Variants in SYN3 observed in about 807,000 individuals in gnomAD.
SYN3 encodes the protein synapsin-3.
Under a neutral mutation model 65.8 loss-of-function variants are expected in SYN3, and 35 were observed. The observed-to-expected ratio is 0.53, with a 90% CI of 0.41 to 0.70. The LOEUF (loss-of-function observed/expected upper bound fraction) is 0.70, where lower values mean the gene tolerates loss of function less well. Ranked by LOEUF, SYN3 falls within the 30% of genes least tolerant of loss-of-function variation. The pLI is 0.00. For missense variants in SYN3, 680 were observed against 749.0 expected (o/e 0.91, Z 1.08); for synonymous variants, 270 against 292.9 (o/e 0.92, Z 0.80).
intron 10 of SYN3, among the ~76,000 whole-genome samples, chr22:32,531,905 CTT>C (rs5845007): frequency 5.2e-5 from 6 of 115,444 alleles, no homozygotes; most frequent in African/African-American, 3.5e-5. Flanking sequence ...ACTACTTTTA[CTT>C]TTTTTTTTTT....
In SYN3 at chr22:32,818,366, C is replaced by A. The variant is rs538671921; in HGVS notation, c.711+46549G>T. Among the ~76,000 whole-genome samples, 28 of 152,222 alleles carry A rather than the reference C, an allele frequency of 1.8e-4. 1 individual carries two copies. The South Asian group carries it at 5.8e-3, about 32-fold the overall frequency. On this transcript the variant is annotated intron_variant, in intron 6 of 13. Transcript: ENST00000358763. Reference sequence around the variant, plus strand: ...GGGGGAGTCTTAGTTAGCCCAGGGGCTGGGGGCAGCATGGTAGTGTAGAAA... The same window carrying A: ...GGGGGAGTCTTAGTTAGCCCAGGGGATGGGGGCAGCATGGTAGTGTAGAAA...
intron 6 of SYN3, among the ~76,000 whole-genome samples, chr22:32,685,848 A>T (rs1231183448): frequency 6.6e-6 from 1 of 152,242 alleles, no homozygotes; most frequent in African/African-American, 2.4e-5. Context: ...AATTTAAGAA[A>T]TGATGGTGGA....
At chr22:32,950,703 G>A (rs1601767689) in intron 3 of SYN3, among the ~76,000 whole-genome samples, 1 of 152,228 alleles carries the variant, frequency 6.6e-6, no homozygotes, top group East Asian at 1.9e-4. Context: ...TTCAAGGGAG[G>A]GTAAGAGGTT....
At chr22:32,536,760 A>T (rs1601589643) in intron 9 of SYN3, among the ~76,000 whole-genome samples, 1 of 152,346 alleles carries the variant, frequency 6.6e-6, no homozygotes, top group East Asian at 1.9e-4. Context: ...ATGAAATGAA[A>T]GAGCCTGCCT....
chr22:32,538,724 A>T (rs1441207471), intron 8 of SYN3, among the ~76,000 whole-genome samples: 1 of 87,072 alleles, frequency 1.1e-5, no homozygotes, highest in East Asian at 1.0e-3. Flanking sequence ...AGTCCTGCTC[A>T]TCCTTCAGGT....
chr22:32,930,653 C>G (rs560836882), intron 4 of SYN3, among the ~76,000 whole-genome samples: 75 of 152,270 alleles, frequency 4.9e-4, no homozygotes, highest in African/African-American at 1.8e-3. Context: ...TTCCTCAAAG[C>G]TTTTCCTGTT....
chr22:32,731,839 G>C (rs1313223507), intron 6 of SYN3, among the ~76,000 whole-genome samples: 1 of 152,158 alleles, frequency 6.6e-6, no homozygotes, highest in Non-Finnish European at 1.5e-5. Flanking sequence ...GTGATATTTA[G>C]AACTCAAGGC....
chr22:32,844,896 A>AT (rs2048017269), intron 6 of SYN3, among the ~76,000 whole-genome samples: 1 of 151,636 alleles, frequency 6.6e-6, no homozygotes, highest in Non-Finnish European at 1.5e-5. Flanking sequence ...AATTTTTATA[A>AT]TTTTTTATTT....
In SYN3 at chr22:32,711,376, A is replaced by C. The variant is rs188758176; in HGVS notation, c.712-114640T>G. Among the ~76,000 whole-genome samples the C allele has an allele frequency of 5.9e-5, 9 of 152,360 alleles. No individual in the cohort carries two copies. In the East Asian group the frequency reaches 1.7e-3, roughly 29 times the overall value. On this transcript the variant is annotated intron_variant, in intron 6 of 13. Transcript: ENST00000358763. ...ACAAGAAAATAATTCATCAGTTAGCAGTGAGAAATAGGTCTGAAAGGTCAT... is the reference window on the plus strand; with the variant it reads ...ACAAGAAAATAATTCATCAGTTAGCCGTGAGAAATAGGTCTGAAAGGTCAT...
At chr22:32,597,037 C>T (rs972084381) in intron 6 of SYN3, among the ~76,000 whole-genome samples, 1 of 152,116 alleles carries the variant, frequency 6.6e-6, no homozygotes, top group Non-Finnish European at 1.5e-5. Flanking sequence ...TGTGCAACTT[C>T]AGGCAAGTTA....
intron 1 of SYN3, among the ~76,000 whole-genome samples, chr22:33,008,924 CA>C (rs201719238): frequency 1.8e-5 from 1 of 57,098 alleles, no homozygotes; most frequent in Non-Finnish European, 3.2e-5. Flanking sequence ...GACTTTATCT[CA>C]AAAAAAAAAA....
At chr22:32,828,852 A>G (rs1473068512) in intron 6 of SYN3, among the ~76,000 whole-genome samples, 1 of 152,130 alleles carries the variant, frequency 6.6e-6, no homozygotes, top group Non-Finnish European at 1.5e-5. Flanking sequence ...TGAAGAGTAT[A>G]TCAGCCAAGC....
At chr22:32,800,012 G>A (rs994177456) in intron 6 of SYN3, among the ~76,000 whole-genome samples, 2 of 152,138 alleles carry the variant, frequency 1.3e-5, no homozygotes, top group African/African-American at 4.8e-5. Context: ...CTGGGTGGAG[G>A]GGACAAGTCA....
chr22:32,660,586 G>A (rs372170657), intron 6 of SYN3, among the ~76,000 whole-genome samples: 3 of 152,146 alleles, frequency 2.0e-5, no homozygotes, highest in South Asian at 4.1e-4. Flanking sequence ...AATGGTGGTC[G>A]GGCAAAGGAA....
At chr22:32,564,912 A>G (rs138643117) in intron 7 of SYN3, among the ~76,000 whole-genome samples, 158 of 80,838 alleles carry the variant, frequency 2.0e-3, no homozygotes, top group Middle Eastern at 0.023. Flanking sequence ...CTCCCGGATT[A>G]CACCCAAACA....
At chr22:32,823,972 T>G (rs920056335) in intron 6 of SYN3, among the ~76,000 whole-genome samples, 12 of 152,086 alleles carry the variant, frequency 7.9e-5, no homozygotes, top group African/African-American at 2.9e-4. Context: ...CAAAAAACCC[T>G]TACATTCCTG....
chr22:32,531,128 G>A (rs190317974), intron 10 of SYN3, among the ~76,000 whole-genome samples: 3 of 110,364 alleles, frequency 2.7e-5, no homozygotes, highest in East Asian at 5.5e-4. Context: ...TTCCCCTGGC[G>A]ACAGAATGAG....
chr22:32,816,069 G>T (rs1383615932), intron 6 of SYN3, among the ~76,000 whole-genome samples: 1 of 152,140 alleles, frequency 6.6e-6, no homozygotes, highest in Non-Finnish European at 1.5e-5. Flanking sequence ...GGCTTGGCTG[G>T]TTCCCAGGCT....
intron 7 of SYN3, among the ~76,000 whole-genome samples, chr22:32,555,916 A>C (rs1267405380): frequency 6.6e-6 from 1 of 152,102 alleles, no homozygotes; most frequent in African/African-American, 2.4e-5. Flanking sequence ...CATGTCCCAG[A>C]CTCTCAAGAC....
Sources: gnomAD v4.1 joint callset for allele counts (sites outside exome capture counted in the v4.1 genomes callset) on GRCh38, gnomAD v4.1.1 for gene constraint, MANE v1.5 for transcripts, NCBI Gene and HGNC (gene_info 2026-07-23, HGNC 2026-07-21) for gene names.